TMEM117: variants seen among roughly 807,000 people sequenced by gnomAD.
TMEM117 encodes the protein transmembrane protein 117.
TMEM117 carries 27 observed loss-of-function variants against 52.4 expected under a neutral mutation model. The ratio of observed to expected loss-of-function variants is 0.51; its 90% confidence interval spans 0.38 to 0.71. The LOEUF (loss-of-function observed/expected upper bound fraction) is 0.71, where lower values mean the gene tolerates loss of function less well. Among genes scored for constraint, TMEM117 ranks in the 30% least tolerant of loss-of-function variants. TMEM117 has a pLI of 0.00. For missense variants in TMEM117, 556 were observed against 630.5 expected (o/e 0.88, Z 1.26); for synonymous variants, 215 against 206.3 (o/e 1.04, Z -0.36).
At chr12:44,157,937 T>C (rs1457011563) in intron 4 of TMEM117, among the ~76,000 whole-genome samples, 1 of 152,154 alleles carries the variant, frequency 6.6e-6, no homozygotes, top group Non-Finnish European at 1.5e-5. Flanking sequence ...TCCTGATGAG[T>C]TCTGAGTTCT....
chr12:44,008,409 C>A (rs1946235952), intron 3 of TMEM117, among the ~76,000 whole-genome samples: 1 of 152,160 alleles, frequency 6.6e-6, no homozygotes, highest in Non-Finnish European at 1.5e-5. Flanking sequence ...GCTATACTTT[C>A]ATTTTTTTTG....
At chr12:44,282,811 A>C (rs1950594287) in intron 5 of TMEM117, among the ~76,000 whole-genome samples, 1 of 152,236 alleles carries the variant, frequency 6.6e-6, no homozygotes, top group Non-Finnish European at 1.5e-5. Context: ...AAATATCTCC[A>C]GGCTGTGTCA....
chr12:44,098,260 G>A (rs1947805208), intron 3 of TMEM117, among the ~76,000 whole-genome samples: 1 of 152,018 alleles, frequency 6.6e-6, no homozygotes, highest in African/African-American at 2.4e-5. Flanking sequence ...AGGTCTTACA[G>A]TCATAGAGGT....
intron 4 of TMEM117, among the ~76,000 whole-genome samples, chr12:44,171,816 G>T (rs1196338064): frequency 6.6e-6 from 1 of 152,130 alleles, no homozygotes; most frequent in African/African-American, 2.4e-5. Flanking sequence ...ATTAAGGAAT[G>T]CCTCTTGAGA....
intron 3 of TMEM117, among the ~76,000 whole-genome samples, chr12:44,047,185 A>G (rs933844792): frequency 6.6e-6 from 1 of 152,154 alleles, no homozygotes; most frequent in African/African-American, 2.4e-5. Flanking sequence ...CCCGACTAAT[A>G]TAGTTATATT....
At chr12:44,281,665 A>G (rs1398263623) in intron 5 of TMEM117, among the ~76,000 whole-genome samples, 7 of 152,182 alleles carry the variant, frequency 4.6e-5, no homozygotes, top group Non-Finnish European at 8.8e-5. Flanking sequence ...AAAAGATGCA[A>G]CTTGATACAG....
intron 3 of TMEM117, among the ~76,000 whole-genome samples, chr12:44,034,411 G>T (rs1170623139): frequency 6.6e-6 from 1 of 152,162 alleles, no homozygotes; most frequent in Non-Finnish European, 1.5e-5. Flanking sequence ...ATTGGTATTA[G>T]ATATAAATAA....
chr12:44,325,666 A>G (rs1413590806), intron 6 of TMEM117, among the ~76,000 whole-genome samples: 1 of 151,986 alleles, frequency 6.6e-6, no homozygotes, highest in African/African-American at 2.4e-5. Context: ...TATGTTACAC[A>G]TATTTGTTCT....
Position 44,152,324 on chromosome 12 carries a change from AAT to A in TMEM117, c.510+8709_510+8710del, listed in dbSNP as rs1283174506. Among the ~76,000 whole-genome samples the A allele has an allele frequency of 7.5e-3, 841 of 112,104 alleles. 4 individuals are homozygous for A. Among genetic ancestry groups the A allele is most frequent in the East Asian group, 0.018 (61 of 3,424 alleles). The allele number at this position is 112,104 out of a possible 152,430, so 73.5% of individuals were successfully genotyped here. On this transcript the variant is annotated intron_variant, in intron 4 of 7. Coordinates refer to ENST00000266534, the MANE Select transcript of TMEM117 (RefSeq NM_032256.3). ...TATTTATATATAATCATATCATATAAATATATATATTATATATAAATTTATAT... is the reference window on the plus strand; with the variant it reads ...TATTTATATATAATCATATCATATAAATATATATTATATATAAATTTATAT...
chr12:43,813,231 G>GTTTTTTTTTTTTTTTTTTTTT, the TMEM117 span, among the ~76,000 whole-genome samples: 93 of 62,666 alleles, frequency 1.5e-3, 14 homozygotes, highest in Non-Finnish European at 2.4e-3. Context: ...GTTTTCTCTT[G>GTTTTTTTTTTTTTTTTTTTTT]TTTTTTTTTT....
At chr12:43,988,012 A>G (rs1035971871) in intron 3 of TMEM117, among the ~76,000 whole-genome samples, 3 of 152,180 alleles carry the variant, frequency 2.0e-5, no homozygotes, top group Non-Finnish European at 4.4e-5. Context: ...TTGTTATCAT[A>G]TTCTAATTTT....
chr12:44,299,781 C>G, intron 6 of TMEM117, 42 bp downstream of exon 6: 1 of 1,608,554 alleles, frequency 6.2e-7, no homozygotes, highest in Non-Finnish European at 8.5e-7. Context: ...GCTGCATGCT[C>G]TGTTCCCAGT....
At chr12:43,967,083 C>T (rs1433915671) in intron 3 of TMEM117, among the ~76,000 whole-genome samples, 3 of 151,750 alleles carry the variant, frequency 2.0e-5, no homozygotes, top group Admixed American at 6.6e-5. Context: ...GTGGATCCTG[C>T]TTCTAATGAA....
intron 6 of TMEM117, among the ~76,000 whole-genome samples, chr12:44,307,393 A>G (rs1298093771): frequency 6.6e-6 from 1 of 152,202 alleles, no homozygotes; most frequent in Non-Finnish European, 1.5e-5. Flanking sequence ...TAACTTCTTC[A>G]AACTATTTTA....
chr12:44,303,781 T>C (rs374037466), intron 6 of TMEM117, among the ~76,000 whole-genome samples: 2 of 152,172 alleles, frequency 1.3e-5, no homozygotes, highest in Admixed American at 1.3e-4. Context: ...CTTTGCTAGG[T>C]TAAGGAAAAG....
At chr12:43,880,568 C>T (rs953084781) in intron 2 of TMEM117, among the ~76,000 whole-genome samples, 6 of 152,070 alleles carry the variant, frequency 3.9e-5, no homozygotes, top group South Asian at 2.1e-4. Context: ...TGTAAAAGTC[C>T]GGTTTTGCCC....
intron 3 of TMEM117, among the ~76,000 whole-genome samples, chr12:43,951,929 T>G (rs771822840): frequency 2.0e-5 from 3 of 152,094 alleles, no homozygotes; most frequent in South Asian, 2.1e-4. Flanking sequence ...GGAAGAACCT[T>G]TCAGAGGAAG....
At chr12:44,233,413 AT>A (rs927433960) in intron 5 of TMEM117, among the ~76,000 whole-genome samples, 22 of 150,012 alleles carry the variant, frequency 1.5e-4, no homozygotes, top group Non-Finnish European at 3.0e-4. Context: ...CTTTTTCTTA[AT>A]TTTTTTTTGA....
intron 5 of TMEM117, among the ~76,000 whole-genome samples, chr12:44,230,732 T>C (rs1376944552): frequency 2.0e-5 from 3 of 152,074 alleles, no homozygotes; most frequent in African/African-American, 4.8e-5. Context: ...ATCTCAAAGC[T>C]GATATTATGC....
Sources: gnomAD v4.1 joint callset for allele counts (sites outside exome capture counted in the v4.1 genomes callset) on GRCh38, gnomAD v4.1.1 for gene constraint, MANE v1.5 for transcripts, NCBI Gene and HGNC (gene_info 2026-07-23, HGNC 2026-07-21) for gene names.